The following SKOR2 variants were observed in gnomAD, a reference collection of about 807,000 sequenced individuals.
The protein encoded by SKOR2 is LBX1 corepressor 1-like protein.
Under a neutral mutation model 69.1 loss-of-function variants are expected in SKOR2, and 47 were observed. That is an observed-to-expected ratio of 0.68 (90% CI 0.54 to 0.87). The LOEUF is 0.87. Among genes scored for constraint, SKOR2 ranks in the 40% least tolerant of loss-of-function variants. SKOR2 has a pLI of 0.00. For synonymous variants in SKOR2, 717 were observed against 672.6 expected (o/e 1.07, Z -1.02); for missense variants, 1,404 against 1,472.2 (o/e 0.95, Z 0.76).
intron 7 of SKOR2, among the ~76,000 whole-genome samples, chr18:47,216,189 A>G (rs1237818518): frequency 6.6e-6 from 1 of 152,212 alleles, no homozygotes; most frequent in Non-Finnish European, 1.5e-5. Context: ...ACCCTTTATT[A>G]CACTAAACAT....
At chr18:47,234,769 G>A (rs775952855) in intron 4 of SKOR2, among the ~76,000 whole-genome samples, 1 of 149,408 alleles carries the variant, frequency 6.7e-6, no homozygotes, top group Non-Finnish European at 1.5e-5. Context: ...GCTGAGGTAG[G>A]AGAATCGCTT....
intron 7 of SKOR2, among the ~76,000 whole-genome samples, chr18:47,218,719 C>T (rs1244942290): frequency 6.6e-6 from 1 of 151,424 alleles, no homozygotes; most frequent in African/African-American, 2.4e-5. Flanking sequence ...ACAATAAATA[C>T]ATTCACAGCA....
chr18:47,236,342 C>A (rs2064223533), intron 4 of SKOR2, among the ~76,000 whole-genome samples: 1 of 152,224 alleles, frequency 6.6e-6, no homozygotes, highest in South Asian at 2.1e-4. Context: ...CTGCTGCCTA[C>A]AACTGCCTTA....
chr18:47,230,715 T>C (rs928089964), intron 5 of SKOR2, among the ~76,000 whole-genome samples, 158 bp from the exon 6 acceptor site: 2 of 152,210 alleles, frequency 1.3e-5, no homozygotes, highest in Non-Finnish European at 2.9e-5. Context: ...TCCATGAATA[T>C]AAATCAATGT....
intron 7 of SKOR2, among the ~76,000 whole-genome samples, chr18:47,215,767 A>G (rs1215168028): frequency 6.6e-6 from 1 of 152,164 alleles, no homozygotes; most frequent in African/African-American, 2.4e-5. Context: ...CATTTTCCCC[A>G]TCAACACGCC....
At chr18:47,215,860 C>T (rs963070504) in intron 7 of SKOR2, among the ~76,000 whole-genome samples, 5 of 152,264 alleles carry the variant, frequency 3.3e-5, no homozygotes, top group East Asian at 3.9e-4. Context: ...AGCATCACAA[C>T]GTTCTCCAAG....
chr18:47,236,695 C>A (rs1193861735), intron 4 of SKOR2, among the ~76,000 whole-genome samples: 5 of 152,200 alleles, frequency 3.3e-5, no homozygotes, highest in Non-Finnish European at 7.3e-5. Flanking sequence ...ATCACTGAAT[C>A]TGCCAGTGCC....
intron 4 of SKOR2, among the ~76,000 whole-genome samples, chr18:47,239,340 C>G (rs1452787563): frequency 1.3e-5 from 2 of 148,186 alleles, no homozygotes; most frequent in Non-Finnish European, 3.0e-5. Flanking sequence ...GGTCACAGAA[C>G]AGAAAAGAAA....
chr18:47,230,569 A>C lies in SKOR2; in HGVS notation c.2819-12T>G. On this transcript the variant is annotated splice_polypyrimidine_tract_variant and intron_variant, in intron 5 of 8. Transcript: ENST00000425639. ...CTTCTGAAGTTCTTCTAATAAAAAAAAGAAGAGTCATTTTACTAATCTTTA... is the reference window on the plus strand; with the variant it reads ...CTTCTGAAGTTCTTCTAATAAAAAACAGAAGAGTCATTTTACTAATCTTTA... The C allele has an allele frequency of 7.2e-7, 1 of 1,381,186 alleles. No individual in the cohort carries two copies. The highest frequency in any genetic ancestry group is 9.4e-7 in the Non-Finnish European group (1 of 1,065,628). 85.6% of individuals were successfully genotyped at this position (1,381,186 alleles called of 1,614,324 possible). A position where few individuals can be genotyped will look rare whatever the true frequency, so the allele number is the denominator to read the frequency against.
rs577015510 is a variant in SKOR2, at chr18:47,227,203, C to T, written c.2917+3256G>A. Among the ~76,000 whole-genome samples, 8 of 151,932 alleles carry T rather than the reference C, an allele frequency of 5.3e-5. No individual in the cohort carries two copies. The East Asian group carries it at 1.5e-3, about 29-fold the overall frequency. ...TTCCTCCTCCTTCTCCTTTTTCCCT[C>T]TACCCTTCCTCCTCCTCCTCCTCCA... On this transcript the variant is annotated intron_variant, in intron 6 of 8. Transcript: ENST00000425639.
intron 4 of SKOR2, among the ~76,000 whole-genome samples, chr18:47,236,709 A>G (rs1205048505): frequency 1.3e-5 from 2 of 152,294 alleles, no homozygotes; most frequent in South Asian, 2.1e-4. Context: ...CAGTGCCTTG[A>G]TCTTGGACTT....
intron 8 of SKOR2, among the ~76,000 whole-genome samples, chr18:47,211,380 A>G (rs766158691): frequency 1.3e-5 from 2 of 152,148 alleles, no homozygotes; most frequent in South Asian, 2.1e-4. Context: ...ACAATGTCCT[A>G]GTTTTTGCAT....
chr18:47,217,737 A>G (rs80324500), intron 7 of SKOR2, among the ~76,000 whole-genome samples: 1 of 151,290 alleles, frequency 6.6e-6, no homozygotes, highest in African/African-American at 2.4e-5. Flanking sequence ...ACACACAAAA[A>G]GGGGAAGAAG....
rs1440167873 is a variant in SKOR2 at position 47,247,249 on chromosome 18, G to A, written c.1935C>T (p.Gly645=). The part of the protein sequence containing the change: ...SLAKLHGASA[G]APHSAQTHPH... The stretch of plus-strand genomic sequence containing the variant: ...GATGCGTCTGGGCCGAGTGGGGCGC[G>A]CCCGCCGACGCCCCGTGCAGCTTGG... The change falls in exon 2 of 9, where the codon GGC becomes GGT. Residue 645 remains glycine (G), a synonymous_variant. Transcript: ENST00000425639. This position sits in a 1 kb window ranked among gnomAD's most constrained non-coding sequence, Gnocchi z 6.6. 2.0e-6 allele frequency: 3 copies of A among 1,470,368 alleles called. No individual in the cohort carries two copies. Among genetic ancestry groups the A allele is most frequent in the Non-Finnish European group, 1.8e-6 (2 of 1,115,924 alleles). The allele number at this position is 1,470,368 out of a possible 1,614,324, so 91.1% of individuals were successfully genotyped here. A position where few individuals can be genotyped will look rare whatever the true frequency, so the allele number is the denominator to read the frequency against.
chr18:47,221,173 T>G (rs1024440865), intron 6 of SKOR2, among the ~76,000 whole-genome samples: 34 of 152,220 alleles, frequency 2.2e-4, no homozygotes, highest in African/African-American at 8.2e-4. Context: ...TTTTTTCAAC[T>G]TCTACCTTTT....
At chr18:47,236,578 T>C (rs1207733677) in intron 4 of SKOR2, among the ~76,000 whole-genome samples, 2 of 152,214 alleles carry the variant, frequency 1.3e-5, no homozygotes, top group Non-Finnish European at 2.9e-5. Context: ...ATGGGATTAA[T>C]GCCCTTATAA....
At chr18:47,244,384 C>G (rs1484641750) in intron 4 of SKOR2, among the ~76,000 whole-genome samples, 2 of 152,184 alleles carry the variant, frequency 1.3e-5, no homozygotes, top group Non-Finnish European at 2.9e-5. Flanking sequence ...CTGCAATAGA[C>G]AACTTAGTAT....
intron 8 of SKOR2, among the ~76,000 whole-genome samples, chr18:47,207,632 C>T: frequency 6.6e-6 from 1 of 152,172 alleles, no homozygotes; most frequent in East Asian, 1.9e-4. Context: ...TTAAAAGAAC[C>T]TCTTATGTCT....
chr18:47,241,160 C>G (rs2064246966), intron 4 of SKOR2, among the ~76,000 whole-genome samples: 1 of 152,018 alleles, frequency 6.6e-6, no homozygotes. Context: ...TTCCCAGAGT[C>G]TAGGAAAGTA....
Sources: allele counts gnomAD v4.1 joint callset (sites outside exome capture counted in the v4.1 genomes callset), GRCh38; gene constraint gnomAD v4.1.1; non-coding constraint Gnocchi (gnomAD v3.1); transcripts MANE v1.5; gene names NCBI Gene and HGNC (gene_info 2026-07-23, HGNC 2026-07-21).